Variants in CELF5 observed in about 807,000 individuals in gnomAD.
The protein encoded by CELF5 is CUGBP Elav-like family member 5.
In CELF5, 6 loss-of-function variants were observed where a neutral mutation model predicts 54.9. That is an observed-to-expected ratio of 0.11 (90% CI 0.06 to 0.22). CELF5 has a LOEUF of 0.22. CELF5 is among the 10% of genes least tolerant of loss of function. CELF5 has a pLI of 1.00. For missense variants in CELF5, 401 were observed against 678.6 expected (o/e 0.59, Z 4.54); for synonymous variants, 271 against 290.9 (o/e 0.93, Z 0.70).
chr19:3,290,456 C>A (rs2080324766), intron 11 of CELF5, 82 bp downstream of exon 11: 2 of 1,497,114 alleles, frequency 1.3e-6, no homozygotes, highest in Non-Finnish European at 1.8e-6. Flanking sequence ...TTTGGTCGGC[C>A]TCGGGACAGG....
intron 3 of CELF5, among the ~76,000 whole-genome samples, chr19:3,274,639 C>T (rs2080018197): frequency 6.6e-6 from 1 of 152,198 alleles, no homozygotes; most frequent in African/African-American, 2.4e-5. Context: ...GCATACTCAG[C>T]TGTTCCCATG....
chr19:3,264,158 C>T (rs2079847744), intron 2 of CELF5, among the ~76,000 whole-genome samples: 1 of 151,962 alleles, frequency 6.6e-6, no homozygotes, highest in Non-Finnish European at 1.5e-5. Context: ...CTTGGAATTC[C>T]AGCTACTCAG....
intron 3 of CELF5, 65 bp downstream of exon 3, chr19:3,273,988 T>G: frequency 6.7e-7 from 1 of 1,503,112 alleles, no homozygotes; most frequent in African/African-American, 1.4e-5. Context: ...AAGGAAAATC[T>G]CTTCCTTCCT....
chr19:3,248,848 T>TCC (rs2079602835), intron 1 of CELF5, among the ~76,000 whole-genome samples: 6 of 140,612 alleles, frequency 4.3e-5, no homozygotes, highest in East Asian at 2.1e-4. Context: ...ACTTTTTTCT[T>TCC]TCTTTCTTCC....
chr19:3,295,225 CG>C (rs2080416410), intron 12 of CELF5: 1 of 151,890 alleles, frequency 6.6e-6, no homozygotes, highest in African/African-American at 2.4e-5. Context: ...GGGGCAGGGG[CG>C]GGGGTGGGGG....
Position 3,281,338 on chromosome 19 carries a change from C to A in CELF5, c.743C>A (p.Ala248Asp). The A allele has an allele frequency of 6.2e-7, 1 of 1,605,154 alleles. No homozygotes were observed. Among genetic ancestry groups the A allele is most frequent in the Non-Finnish European group, 8.5e-7 (1 of 1,176,502 alleles). Residue 248 changes from alanine to aspartate, a missense_variant, in exon 6 of 13, where the codon GCC (alanine) becomes GAC (aspartate). Around this residue, in one of 6 missense-constraint regions of CELF5, gnomAD observed 87 missense variants for 190.2 expected, o/e 0.46. Transcript: ENST00000292672. This position sits in a 1 kb window ranked among gnomAD's most constrained non-coding sequence, Gnocchi z 6.5. ...CCCTTCAGCCCCTACAGTGCCTACG[C>A]CCAGGCTGTGAGTGACCCAGTGACA... ...TLPFSPYSAY[A>D]QALMQQQTTV...
intron 9 of CELF5, 34 bp downstream of exon 9, chr19:3,284,998 T>TGGTCCCGCCCCCGCCCAG: frequency 1.3e-6 from 2 of 1,504,256 alleles, no homozygotes; most frequent in Non-Finnish European, 1.8e-6. Flanking sequence ...CGCTGGGCCC[T>TGGTCCCGCCCCCGCCCAG]GGCCCCGCCC....
intron 1 of CELF5, among the ~76,000 whole-genome samples, chr19:3,248,412 C>T (rs781063535): frequency 1.8e-4 from 28 of 152,048 alleles, no homozygotes; most frequent in Admixed American, 9.2e-4. Context: ...ACCCCCCATC[C>T]TGATTTCCAT....
chr19:3,250,557 C>A (rs1245029065), intron 1 of CELF5, among the ~76,000 whole-genome samples: 2 of 152,166 alleles, frequency 1.3e-5, no homozygotes, highest in African/African-American at 4.8e-5. Flanking sequence ...GGTTGTGCAA[C>A]CATCACCACC....
intron 1 of CELF5, among the ~76,000 whole-genome samples, chr19:3,248,588 G>C (rs185227611): frequency 6.6e-6 from 1 of 151,984 alleles, no homozygotes; most frequent in Non-Finnish European, 1.5e-5. Context: ...TGTGTGGGTC[G>C]ACCGTATTGT....
At chr19:3,243,408 G>A (rs868584269) in intron 1 of CELF5, among the ~76,000 whole-genome samples, 5 of 152,136 alleles carry the variant, frequency 3.3e-5, no homozygotes, top group Middle Eastern at 3.2e-3. Context: ...GACCTCCTGA[G>A]TAGCTGGGAC....
At chr19:3,257,623 G>C (rs1383106426) in intron 2 of CELF5, among the ~76,000 whole-genome samples, 2 of 150,384 alleles carry the variant, frequency 1.3e-5, no homozygotes, top group Non-Finnish European at 3.0e-5. Flanking sequence ...TTACAGGCAT[G>C]CACCACCATG....
intron 10 of CELF5, among the ~76,000 whole-genome samples, chr19:3,288,969 T>C (rs2080297572): frequency 6.6e-6 from 1 of 152,234 alleles, no homozygotes; most frequent in South Asian, 2.1e-4. Context: ...AGGCTTCAGA[T>C]GAACAAGGTT....
chr19:3,271,316 C>T (rs1428169870), intron 2 of CELF5, among the ~76,000 whole-genome samples: 1 of 152,166 alleles, frequency 6.6e-6, no homozygotes, highest in Non-Finnish European at 1.5e-5. Flanking sequence ...AACCATCTCC[C>T]CTCCTGCCTC....
intron 1 of CELF5, among the ~76,000 whole-genome samples, chr19:3,235,825 GATGGATGGATGGATGAATGA>G (rs1917573498): frequency 6.7e-6 from 1 of 148,320 alleles, no homozygotes; most frequent in Non-Finnish European, 1.5e-5. Context: ...TGTGTGGATG[GATGGATGGATGGATGAATGA>G]ATGGATGGAT....
At chr19:3,274,166 G>GC (rs79266542) in intron 3 of CELF5, among the ~76,000 whole-genome samples, 3 of 151,982 alleles carry the variant, frequency 2.0e-5, no homozygotes, top group Middle Eastern at 3.4e-3. Context: ...GAGGATGGGG[G>GC]GTCTAGCCAG....
chr19:3,284,219 T>G (rs1361032183), intron 8 of CELF5, among the ~76,000 whole-genome samples: 1 of 152,044 alleles, frequency 6.6e-6, no homozygotes, highest in African/African-American at 2.4e-5. Flanking sequence ...AATTGCCATT[T>G]TGTCACAGAT....
intron 2 of CELF5, among the ~76,000 whole-genome samples, chr19:3,258,401 C>T (rs2079761557): frequency 6.6e-6 from 1 of 152,150 alleles, no homozygotes; most frequent in African/African-American, 2.4e-5. Context: ...GGATTACAGG[C>T]ATGAGCCACT....
chr19:3,277,631 C>A (rs1283978885), intron 4 of CELF5, among the ~76,000 whole-genome samples: 1 of 152,034 alleles, frequency 6.6e-6, no homozygotes, highest in Admixed American at 6.6e-5. Flanking sequence ...TATGGCTGGC[C>A]CTTCCATAGT....
Sources: allele counts gnomAD v4.1 joint callset (sites outside exome capture counted in the v4.1 genomes callset), GRCh38; gene constraint gnomAD v4.1.1; regional missense constraint gnomAD v4.1.1; non-coding constraint Gnocchi (gnomAD v3.1); transcripts MANE v1.5; gene names NCBI Gene and HGNC (gene_info 2026-07-23, HGNC 2026-07-21).